Variants in TCF12 observed in about 807,000 individuals in gnomAD.
TCF12 encodes the protein transcription factor 12.
A neutral mutation model predicts 86.0 loss-of-function variants in TCF12; 45 were observed. The ratio of observed to expected loss-of-function variants is 0.52; its 90% CI spans 0.41 to 0.67. The LOEUF is 0.67. Among genes scored for constraint, TCF12 ranks in the 30% least tolerant of loss-of-function variants. The pLI is 0.00. For synonymous variants in TCF12, 330 were observed against 299.6 expected, an observed-to-expected ratio of 1.10 and a Z score of -1.05; for missense variants, 881 against 859.9, an observed-to-expected ratio of 1.02 and a Z score of -0.31.
At chr15:57,048,252 T>G (rs2067364622) in intron 3 of TCF12, among the ~76,000 whole-genome samples, 1 of 138,082 alleles carries the variant, frequency 7.2e-6, no homozygotes, top group South Asian at 2.1e-4. Flanking sequence ...GTTTGTTTGT[T>G]TGTTTTGTTT....
intron 4 of TCF12, among the ~76,000 whole-genome samples, chr15:57,081,158 G>T (rs1420684135): frequency 6.6e-6 from 1 of 152,128 alleles, no homozygotes; most frequent in African/African-American, 2.4e-5. Context: ...TTGTTTTGTT[G>T]TTGCATTTTC....
intron 13 of TCF12, among the ~76,000 whole-genome samples, chr15:57,250,850 C>G (rs1197380831): frequency 7.4e-5 from 11 of 148,796 alleles, no homozygotes; most frequent in African/African-American, 2.4e-4. Context: ...GAGCCAAGAT[C>G]GTGCCACTGC....
chr15:57,110,693 G>A (rs759112650), intron 5 of TCF12, among the ~76,000 whole-genome samples: 12 of 152,082 alleles, frequency 7.9e-5, no homozygotes, highest in South Asian at 2.1e-4. Context: ...ATCTTTACAG[G>A]TTGCTTGGGC....
chr15:57,095,521 A>G (rs2049265869), intron 5 of TCF12, among the ~76,000 whole-genome samples: 1 of 152,154 alleles, frequency 6.6e-6, no homozygotes, highest in Non-Finnish European at 1.5e-5. Flanking sequence ...TATAAGCTTT[A>G]CTTATTTTAG....
intron 18 of TCF12, among the ~76,000 whole-genome samples, chr15:57,265,461 G>A (rs973301171): frequency 6.6e-6 from 1 of 152,128 alleles, no homozygotes; most frequent in Admixed American, 6.5e-5. Context: ...TGCTCCCTGA[G>A]CTGCTGGGAT....
intron 19 of TCF12, among the ~76,000 whole-genome samples, chr15:57,276,493 T>A (rs77480692): frequency 0.025 from 3,818 of 152,304 alleles, 171 homozygotes; most frequent in African/African-American, 0.083. Flanking sequence ...TAGTGGTACT[T>A]ATTTGTTTCT....
intron 4 of TCF12, among the ~76,000 whole-genome samples, chr15:57,073,192 A>G (rs1245026825): frequency 1.3e-5 from 2 of 152,210 alleles, no homozygotes; most frequent in East Asian, 3.8e-4. Context: ...ATGAAATAAC[A>G]TCTTGATCAG....
At chr15:57,262,439 C>T (rs1027974448) in intron 17 of TCF12, among the ~76,000 whole-genome samples, 1 of 152,056 alleles carries the variant, frequency 6.6e-6, no homozygotes, top group Non-Finnish European at 1.5e-5. Context: ...CAGTATTTAC[C>T]AGTTATCTTT....
At chr15:57,058,093 A>G (rs1304823273) in intron 3 of TCF12, among the ~76,000 whole-genome samples, 2 of 152,224 alleles carry the variant, frequency 1.3e-5, no homozygotes, top group East Asian at 3.8e-4. Context: ...TCAGACAGTC[A>G]GAACAAGTCC....
intron 5 of TCF12, chr15:57,109,465 A>G (rs1250102875): frequency 2.0e-5 from 3 of 152,250 alleles, no homozygotes; most frequent in African/African-American, 7.2e-5. Context: ...TGTGGCATTT[A>G]AAGAATTTTG....
intron 4 of TCF12, among the ~76,000 whole-genome samples, chr15:57,071,452 C>G (rs1412302136): frequency 6.6e-6 from 1 of 152,052 alleles, no homozygotes; most frequent in African/African-American, 2.4e-5. Flanking sequence ...CAACACCAGC[C>G]TCTGCAACAT....
intron 4 of TCF12, among the ~76,000 whole-genome samples, chr15:57,075,002 C>A (rs1375885637): frequency 6.7e-6 from 1 of 148,898 alleles, no homozygotes. Context: ...TGAAACGTTT[C>A]CCTTCAACAT....
chr15:57,201,012 C>T (rs12910556), intron 8 of TCF12, among the ~76,000 whole-genome samples: 66,384 of 151,916 alleles, frequency 0.44, 15,929 homozygotes, highest in East Asian at 0.64. Context: ...TACATACTTA[C>T]GGTTTTAAAA....
chr15:56,948,175 G>A (rs1457767489), intron 3 of TCF12, among the ~76,000 whole-genome samples: 1 of 151,696 alleles, frequency 6.6e-6, no homozygotes, highest in Non-Finnish European at 1.5e-5. Flanking sequence ...AGGCTGGAAT[G>A]CAGTGGCGTG....
intron 3 of TCF12, among the ~76,000 whole-genome samples, chr15:57,016,250 A>T (rs1361668454): frequency 6.6e-6 from 1 of 152,220 alleles, no homozygotes; most frequent in African/African-American, 2.4e-5. Context: ...GTTATGTATG[A>T]TAGAATTGCC....
chr15:57,051,488 C>T (rs2951897), intron 3 of TCF12, among the ~76,000 whole-genome samples: 124,720 of 152,106 alleles, frequency 0.82, 51,667 homozygotes, highest in African/African-American at 0.94. Context: ...TGCCTCCTCT[C>T]CTTCTTTTTT....
rs574987562 is a variant in TCF12, at chr15:57,271,973, T to C, written c.1746-1057T>C. 1.2e-3 allele frequency among the ~76,000 whole-genome samples: 179 copies of C among 152,328 alleles called. 1 individual carries two copies. Among genetic ancestry groups the C allele is most frequent in the African/African-American group, 4.1e-3 (172 of 41,582 alleles). The stretch of plus-strand genomic sequence containing the variant: ...TCCCCTTGGTAGTGAGTCCCTTTCC[T>C]CCATCCCGTGGTCCTTGGCAACCAT... On this transcript the variant is annotated intron_variant, in intron 18 of 20. Coordinates refer to ENST00000333725, the MANE Select transcript of TCF12 (RefSeq NM_207037.2).
chr15:57,188,707 A>G (rs762567297), intron 6 of TCF12, among the ~76,000 whole-genome samples: 22 of 152,240 alleles, frequency 1.4e-4, no homozygotes, highest in Admixed American at 2.6e-4. Flanking sequence ...ATTATCTTCA[A>G]TATATGGGAC....
chr15:57,073,019 C>T (rs960920794), intron 4 of TCF12, among the ~76,000 whole-genome samples: 7 of 152,190 alleles, frequency 4.6e-5, no homozygotes, highest in Admixed American at 1.3e-4. Flanking sequence ...ACATACTGAT[C>T]AGATTGCCCA....
Sources: allele counts gnomAD v4.1 joint callset (sites outside exome capture counted in the v4.1 genomes callset), GRCh38; gene constraint gnomAD v4.1.1; transcripts MANE v1.5; gene names NCBI Gene and HGNC (gene_info 2026-07-23, HGNC 2026-07-21).